Variants in VPS13C observed in about 807,000 individuals in gnomAD.
VPS13C encodes intermembrane lipid transfer protein VPS13C.
A neutral mutation model predicts 456.8 loss-of-function variants in VPS13C; 358 were observed. That is an observed-to-expected ratio of 0.78 (90% CI 0.72 to 0.86). The LOEUF is 0.86. Among genes scored for constraint, VPS13C ranks in the 40% least tolerant of loss-of-function variants. The pLI is 0.00. For synonymous variants in VPS13C, 1,578 were observed against 1,486.7 expected, an observed-to-expected ratio of 1.06 and a Z score of -1.41; for missense variants, 4,818 against 4,385.4, an observed-to-expected ratio of 1.10 and a Z score of -2.79.
chr15:62,010,558 G>C lies in VPS13C; in HGVS notation c.925C>G (p.Pro309Ala), dbSNP rs114954486. 1.7e-4 allele frequency: 268 copies of C among 1,613,100 alleles called. No individual in the cohort carries two copies. In the African/African-American group the frequency reaches 2.4e-3, roughly 15 times the overall value. Residue 309 changes from proline (P) to alanine (A), a missense_variant, in exon 13 of 85, where the codon CCT becomes GCT. By Grantham distance (27) the Pro-to-Ala change is conservative (BLOSUM62 -1). Transcript: ENST00000644861. ...GTTTTGAGCTCTGATTCTGCATAAG[G>C]ATTCATGTAGAGTTTTGCAGAGGCT... ...ISASAKLYMNPYAESELKTPK... is the reference protein window; with the variant it reads ...ISASAKLYMNAYAESELKTPK...
chr15:62,013,894 C>A, intron 10 of VPS13C, 39 bp downstream of exon 10: 1 of 1,440,168 alleles, frequency 6.9e-7, no homozygotes, highest in Non-Finnish European at 9.7e-7. Context: ...ATTAAGTGCA[C>A]CTAGGAAACT....
chr15:62,047,775 T>C (rs78645269), intron 1 of VPS13C, among the ~76,000 whole-genome samples: 3,951 of 152,300 alleles, frequency 0.026, 182 homozygotes, highest in African/African-American at 0.09. Flanking sequence ...CTGATAAATA[T>C]GCAGCAGTGT....
chr15:61,949,030 G>A (rs1183502305), intron 42 of VPS13C, among the ~76,000 whole-genome samples: 2 of 152,088 alleles, frequency 1.3e-5, no homozygotes, highest in Non-Finnish European at 2.9e-5. Flanking sequence ...CTTCCCTGCA[G>A]TGTCCCACTA....
intron 1 of VPS13C, 138 bp from the exon 2 acceptor site, chr15:62,044,393 CCCGGCACA>C: frequency 2.0e-6 from 1 of 507,790 alleles, no homozygotes; most frequent in Non-Finnish European, 3.5e-6. Flanking sequence ...TAAGAGGCTA[CCCGGCACA>C]AAATAGTTGC....
chr15:61,907,543 A>T (rs1296486243), intron 65 of VPS13C, among the ~76,000 whole-genome samples, 153 bp from the exon 66 acceptor site: 1 of 152,170 alleles, frequency 6.6e-6, no homozygotes, highest in Non-Finnish European at 1.5e-5. Context: ...ACCCTAAAAT[A>T]TCTAATAAAC....
At position 61,914,878 on chromosome 15, in the gene VPS13C, T is replaced by TAAAAA. The variant is rs60910951; in HGVS notation, c.8445+750_8445+754dup. 2.3e-3 allele frequency among the ~76,000 whole-genome samples: 234 copies of TAAAAA among 102,024 alleles called. 16 individuals carry two copies. The highest frequency in any genetic ancestry group is 3.7e-3 in the African/African-American group (100 of 27,086). 66.9% of individuals were successfully genotyped at this position (102,024 alleles called of 152,430 possible). On this transcript the variant is annotated intron_variant, in intron 61 of 84. Transcript: ENST00000644861. ...ACCGAGCCTGGCCAAAACTCTGCCT[T>TAAAAA]AAAAAAAAAAAAAAAAAAAAAAAAA...
At chr15:62,057,816 T>G (rs2048849754) in intron 1 of VPS13C, among the ~76,000 whole-genome samples, 1 of 152,196 alleles carries the variant, frequency 6.6e-6, no homozygotes, top group Non-Finnish European at 1.5e-5. Context: ...CTTCAAAATC[T>G]TCAAGCAGTA....
At chr15:61,952,794 C>T (rs568478367) in intron 38 of VPS13C, among the ~76,000 whole-genome samples, 1 of 152,232 alleles carries the variant, frequency 6.6e-6, no homozygotes, top group South Asian at 2.1e-4. Flanking sequence ...TCAGAGCTCA[C>T]TGCAGTCTTG....
At chr15:61,920,755 G>T in intron 55 of VPS13C, 108 bp from the exon 56 acceptor site, 3 of 974,534 alleles carry the variant, frequency 3.1e-6, no homozygotes, top group Non-Finnish European at 4.2e-6. Flanking sequence ...GTAATGCTTC[G>T]CAAAAGTCTT....
At chr15:61,973,890 A>T (rs2045627876) in intron 25 of VPS13C, among the ~76,000 whole-genome samples, 1 of 152,052 alleles carries the variant, frequency 6.6e-6, no homozygotes, top group Non-Finnish European at 1.5e-5. Context: ...TGGCTTTATC[A>T]AATTTCATTT....
Position 61,954,449 on chromosome 15 carries a change from T to C in VPS13C, c.4271A>G (p.Asn1424Ser), listed in dbSNP as rs948427034. 3.1e-5 allele frequency: 50 copies of C among 1,606,314 alleles called. No individual in the cohort carries two copies. The highest frequency in any genetic ancestry group is 4.2e-5 in the Non-Finnish European group (49 of 1,177,514). The change falls in exon 38 of 85, where the codon AAT becomes AGT. Residue 1424 changes from asparagine to serine, a missense_variant. Asn to Ser is a conservative substitution (Grantham distance 46, BLOSUM62 1). This residue lies in a region of VPS13C where 4,552 missense variants were observed against 4,130.6 expected (regional missense o/e 1.10). Coordinates refer to ENST00000644861, the MANE Select transcript of VPS13C (RefSeq NM_020821.3). ...VEEIRSVDII[N>S]MLLNFEIKEV... is the part of the protein sequence containing the mutation. ...TTTAATTTCAAAATTCAGCAGCATA[T>C]TAATGATGTCTACAGACCTAATTTC...
At chr15:61,945,992 T>C in intron 44 of VPS13C, 110 bp from the exon 45 acceptor site, 1 of 963,426 alleles carries the variant, frequency 1.0e-6, no homozygotes. Context: ...TAGAAATATA[T>C]GAATTCAACA....
At chr15:62,014,528 G>C (rs187160489) in intron 9 of VPS13C, among the ~76,000 whole-genome samples, 26 of 152,106 alleles carry the variant, frequency 1.7e-4, no homozygotes, top group Admixed American at 6.6e-4. Context: ...ATGAGATCCA[G>C]ATCAGAGGTG....
At chr15:61,966,009 C>T in intron 30 of VPS13C, 74 bp downstream of exon 30, 1 of 1,148,240 alleles carries the variant, frequency 8.7e-7, no homozygotes, top group Non-Finnish European at 1.3e-6. Flanking sequence ...AGTCAATACT[C>T]CTCAAAGGAT....
rs1188004905 is a variant in VPS13C at position 61,858,720 on chromosome 15, A to C, written c.10953-2311T>G. Among the ~76,000 whole-genome samples, 1 of 152,176 alleles carries C rather than the reference A, an allele frequency of 6.6e-6. No individual in the cohort carries two copies. The highest frequency in any genetic ancestry group is 1.5e-5 in the Non-Finnish European group (1 of 68,028). ...AAGAGACCAAGAAGTCAGAGATTCAAAGCACCCTTGTTGGGTTGGAATAAG... is the reference window on the plus strand; with the variant it reads ...AAGAGACCAAGAAGTCAGAGATTCACAGCACCCTTGTTGGGTTGGAATAAG... On this transcript the variant is annotated intron_variant, in intron 82 of 84. Coordinates refer to ENST00000644861, the MANE Select transcript of VPS13C (RefSeq NM_020821.3). The surrounding 1 kb of genome is among the most constrained non-coding windows in gnomAD (Gnocchi z 4.4).
chr15:61,997,963 A>G (rs2046447608), intron 16 of VPS13C, among the ~76,000 whole-genome samples: 1 of 152,076 alleles, frequency 6.6e-6, no homozygotes. Flanking sequence ...AAGAGCCAAA[A>G]TCCACACAAT....
intron 15 of VPS13C, 86 bp from the exon 16 acceptor site, chr15:62,000,712 G>C (rs2046582425): frequency 9.4e-7 from 1 of 1,063,344 alleles, no homozygotes; most frequent in Non-Finnish European, 1.4e-6. Context: ...GGCATATCTA[G>C]TCCATTATCA....
intron 64 of VPS13C, 82 bp from the exon 65 acceptor site, chr15:61,909,207 A>G: frequency 6.5e-7 from 1 of 1,545,198 alleles, no homozygotes; most frequent in Non-Finnish European, 8.8e-7. Context: ...TACGTAAAAC[A>G]CAAAAGCTTT....
rs187772157 is a variant in VPS13C at position 61,999,392 on chromosome 15, A to G, written c.1353+1172T>C. ...AAGACTCCATCTCAAAAAAAAAAAAAAGAGAGAGAGAGAGAGAAAGTAGTT... is the reference window on the plus strand; with the variant it reads ...AAGACTCCATCTCAAAAAAAAAAAAGAGAGAGAGAGAGAGAGAAAGTAGTT... On this transcript the variant is annotated intron_variant, in intron 16 of 84. Coordinates refer to ENST00000644861, the MANE Select transcript of VPS13C (RefSeq NM_020821.3). Among the ~76,000 whole-genome samples the G allele has an allele frequency of 7.5e-3, 1,135 of 151,230 alleles. 18 individuals are homozygous for G. Among genetic ancestry groups the G allele is most frequent in the African/African-American group, 0.026 (1,071 of 41,194 alleles).
Sources: allele counts gnomAD v4.1 joint callset (sites outside exome capture counted in the v4.1 genomes callset), GRCh38; gene constraint gnomAD v4.1.1; regional missense constraint gnomAD v4.1.1; non-coding constraint Gnocchi (gnomAD v3.1); transcripts MANE v1.5; gene names NCBI Gene and HGNC (gene_info 2026-07-23, HGNC 2026-07-21).